Variants in KIF26B observed in about 807,000 individuals in gnomAD.
KIF26B encodes the protein kinesin family member 26B.
A neutral mutation model predicts 151.2 loss-of-function variants in KIF26B; 63 were observed. The observed-to-expected ratio is 0.42, with a 90% CI of 0.34 to 0.51. The LOEUF (loss-of-function observed/expected upper bound fraction) is 0.51. Ranked by LOEUF, KIF26B falls within the 20% of genes least tolerant of loss-of-function variation. KIF26B has a pLI of 0.07. For synonymous variants in KIF26B, 1,357 were observed against 1,262.1 expected (o/e 1.08, Z -1.59); for missense variants, 2,813 against 2,913.6 (o/e 0.97, Z 0.79).
chr1:245,687,576 C>A lies in KIF26B; in HGVS notation c.4593C>A (p.Ser1531Arg). 1 of 1,564,982 alleles carries A rather than the reference C, an allele frequency of 6.4e-7. No homozygotes were observed. The highest frequency in any genetic ancestry group is 8.7e-7 in the Non-Finnish European group (1 of 1,155,192). ...AGAGCCCCGTGCATCCCAACAAAAG[C>A]GTCAAGTCCAGCAGCCTTCCCAGGG... is the stretch of plus-strand genomic sequence containing the variant. ...ATQSPVHPNK[S>R]VKSSSLPRAF... The change falls in exon 12 of 15, where the codon AGC becomes AGA. Residue 1531 changes from serine to arginine, a missense_variant. This residue lies in a region of KIF26B where 2,060 missense variants were observed against 2,088.6 expected (regional missense o/e 0.99). Transcript: ENST00000407071. The surrounding 1 kb of genome is among the most constrained non-coding windows in gnomAD (Gnocchi z 4.9).
intron 2 of KIF26B, among the ~76,000 whole-genome samples, chr1:245,233,917 C>T (rs1670050201): frequency 6.6e-6 from 1 of 152,012 alleles, no homozygotes; most frequent in Non-Finnish European, 1.5e-5. Context: ...CGCGGTGGCT[C>T]ACACCTGTAA....
At chr1:245,410,666 T>C (rs1035089334) in intron 3 of KIF26B, among the ~76,000 whole-genome samples, 1 of 152,166 alleles carries the variant, frequency 6.6e-6, no homozygotes, top group South Asian at 2.1e-4. Context: ...CCCAGCCTGG[T>C]CTTGAACTCC....
intron 10 of KIF26B, among the ~76,000 whole-genome samples, chr1:245,648,993 C>A (rs1448052265): frequency 6.6e-6 from 1 of 152,184 alleles, no homozygotes; most frequent in Non-Finnish European, 1.5e-5. Flanking sequence ...CTCATCGAGA[C>A]CTTGCTGGGT....
At chr1:245,586,274 C>A (rs1417858051) in intron 5 of KIF26B, among the ~76,000 whole-genome samples, 2 of 152,004 alleles carry the variant, frequency 1.3e-5, no homozygotes, top group African/African-American at 4.8e-5. Flanking sequence ...CCTACCCTGG[C>A]CTCCCAAAGT....
At position 245,688,141 on chromosome 1, in the gene KIF26B, A is replaced by G; in HGVS notation, c.5158A>G (p.Ser1720Gly). The G allele has an allele frequency of 6.3e-7, 1 of 1,591,366 alleles. No homozygotes were observed. Among genetic ancestry groups the G allele is most frequent in the Non-Finnish European group, 8.5e-7 (1 of 1,175,262 alleles). ...LGRSAGTSPP[S>G]SGASPKAGQS... ...CCGCAGCGCCGGGACCTCGCCCCCC[A>G]GCTCCGGGGCCTCGCCCAAGGCCGG... is the stretch of plus-strand genomic sequence containing the variant. The change falls in exon 12 of 15, where the codon AGC (serine) becomes GGC (glycine). Residue 1720 changes from serine (S) to glycine (G), a missense_variant. Transcript: ENST00000407071.
At chr1:245,645,431 T>G (rs79676697) in intron 9 of KIF26B, among the ~76,000 whole-genome samples, 1 of 152,230 alleles carries the variant, frequency 6.6e-6, no homozygotes, top group Non-Finnish European at 1.5e-5. Flanking sequence ...TTGGTCTCCC[T>G]GTACTTCAGC....
Position 245,705,919 on chromosome 1 carries a change from C to T in KIF26B, c.*3313C>T, listed in dbSNP as rs1241891866. 1 of 152,196 alleles carries T rather than the reference C, an allele frequency of 6.6e-6. No individual in the cohort carries two copies. Among genetic ancestry groups the T allele is most frequent in the Non-Finnish European group, 1.5e-5 (1 of 68,036 alleles). 9.4% of individuals were successfully genotyped at this position (152,196 alleles called of 1,614,324 possible). A position where few individuals can be genotyped will look rare whatever the true frequency, so the allele number is the denominator to read the frequency against. On this transcript the variant is annotated 3_prime_UTR_variant, in exon 15 of 15. Coordinates refer to ENST00000407071, the MANE Select transcript of KIF26B (RefSeq NM_018012.4). ...ATCTCTTCCGGATTTGGAATCAGAACACTCTGCCCGTTGTTTATTCGCCAG... is the reference window on the plus strand; with the variant it reads ...ATCTCTTCCGGATTTGGAATCAGAATACTCTGCCCGTTGTTTATTCGCCAG...
intron 2 of KIF26B, among the ~76,000 whole-genome samples, chr1:245,334,140 G>A (rs148754422): frequency 6.6e-6 from 1 of 152,318 alleles, no homozygotes; most frequent in African/African-American, 2.4e-5. Flanking sequence ...CAATGTGTGT[G>A]GGAGCAGCAA....
chr1:245,230,321 G>T (rs952026070), intron 2 of KIF26B, among the ~76,000 whole-genome samples: 1 of 152,134 alleles, frequency 6.6e-6, no homozygotes, highest in Non-Finnish European at 1.5e-5. Context: ...CAACTGAAGA[G>T]AGTGCTCTTG....
At chr1:245,190,629 G>GTTTTTTTTT (rs768099890) in intron 2 of KIF26B, among the ~76,000 whole-genome samples, 10 of 80,102 alleles carry the variant, frequency 1.2e-4, no homozygotes, top group African/African-American at 3.4e-4. Flanking sequence ...TTCCCTGAAT[G>GTTTTTTTTT]TTTTGTTTTG....
At chr1:245,617,934 G>A (rs187322950) in intron 9 of KIF26B, among the ~76,000 whole-genome samples, 48 of 152,062 alleles carry the variant, frequency 3.2e-4, no homozygotes, top group South Asian at 3.1e-3. Context: ...TGCTGCTCCC[G>A]TCTCCTGGCA....
intron 2 of KIF26B, among the ~76,000 whole-genome samples, chr1:245,193,130 A>G (rs1235966512): frequency 6.6e-6 from 1 of 152,182 alleles, no homozygotes; most frequent in African/African-American, 2.4e-5. Context: ...CTTATAATTG[A>G]GAACACACGG....
intron 4 of KIF26B, among the ~76,000 whole-genome samples, chr1:245,487,151 G>A (rs557731308): frequency 3.2e-4 from 49 of 152,218 alleles, no homozygotes; most frequent in Non-Finnish European, 5.4e-4. Context: ...AGCTTGTGTC[G>A]TGATACCTCT....
In KIF26B at chr1:245,226,716, G is replaced by A. The variant is rs1558352726; in HGVS notation, c.465+70033G>A. ...GACCTCAGGTGATCCACCCGCCTCGGCCTCCCAAAGTGCTGGGATTATAGG... is the reference window on the plus strand; with the variant it reads ...GACCTCAGGTGATCCACCCGCCTCGACCTCCCAAAGTGCTGGGATTATAGG... On this transcript the variant is annotated intron_variant, in intron 2 of 14. Transcript: ENST00000407071. Among the ~76,000 whole-genome samples, 4 of 152,154 alleles carry A rather than the reference G, an allele frequency of 2.6e-5. No homozygotes were observed. In the South Asian group the frequency reaches 8.3e-4, roughly 32 times the overall value.
chr1:245,418,039 G>A (rs1674462834), intron 3 of KIF26B, among the ~76,000 whole-genome samples: 1 of 152,236 alleles, frequency 6.6e-6, no homozygotes, highest in South Asian at 2.1e-4. Context: ...GACATGGTCC[G>A]GGAGGCATGA....
intron 3 of KIF26B, among the ~76,000 whole-genome samples, chr1:245,373,992 A>G (rs1673187350): frequency 7.2e-6 from 1 of 138,234 alleles, no homozygotes; most frequent in Non-Finnish European, 1.5e-5. Context: ...CAGGAGTTCC[A>G]GGCTGCAGGA....
intron 2 of KIF26B, among the ~76,000 whole-genome samples, chr1:245,237,948 C>T (rs1670144349): frequency 6.6e-6 from 1 of 151,852 alleles, no homozygotes; most frequent in Non-Finnish European, 1.5e-5. Flanking sequence ...ATCACTTGAG[C>T]CCCGGAGGTC....
Position 245,686,072 on chromosome 1 carries a change from G to A in KIF26B, c.3089G>A (p.Ser1030Asn). 6.3e-7 allele frequency: 1 copy of A among 1,599,860 alleles called. No individual in the cohort carries two copies. The highest frequency in any genetic ancestry group is 8.5e-7 in the Non-Finnish European group (1 of 1,173,910). ...CCCAGGAGCGTCCCGGGCAGCAGTA[G>A]CCAGCACAGCGCCTCCCCACTCGTG... is the stretch of plus-strand genomic sequence containing the variant. ...ASPRSVPGSS[S>N]QHSASPLVQS... The change falls in exon 12 of 15, where the codon AGC becomes AAC. Residue 1030 changes from serine (S) to asparagine (N), a missense_variant. Coordinates refer to ENST00000407071, the MANE Select transcript of KIF26B (RefSeq NM_018012.4). The surrounding 1 kb of genome is among the most constrained non-coding windows in gnomAD (Gnocchi z 5.6).
rs114615132 is a variant in KIF26B at position 245,667,883 on chromosome 1, G to T, written c.2259-16350G>T. Among the ~76,000 whole-genome samples, 5,497 of 152,142 alleles carry T rather than the reference G, an allele frequency of 0.036. 271 individuals carry two copies. Among genetic ancestry groups the T allele is most frequent in the African/African-American group, 0.11 (4,570 of 41,510 alleles). ...AATTCCTAATTCCTTAGCTGCTTCT[G>T]TTTGTTTGTTTTGTTTTGTGTTTTT... On this transcript the variant is annotated intron_variant, in intron 10 of 14. Transcript: ENST00000407071. The surrounding 1 kb of genome is among the most constrained non-coding windows in gnomAD (Gnocchi z 4.3).
Sources: gnomAD v4.1 joint callset for allele counts (sites outside exome capture counted in the v4.1 genomes callset) on GRCh38, gnomAD v4.1.1 for gene constraint, gnomAD v4.1.1 regional missense constraint, Gnocchi (gnomAD v3.1) non-coding constraint, MANE v1.5 for transcripts, NCBI Gene and HGNC (gene_info 2026-07-23, HGNC 2026-07-21) for gene names.